The following TESC variants were observed in gnomAD, a reference collection of about 807,000 sequenced individuals.
TESC encodes the protein tescalcin.
A neutral mutation model predicts 31.0 loss-of-function variants in TESC; 19 were observed. The observed-to-expected ratio is 0.61, with a 90% CI of 0.43 to 0.90. TESC has a LOEUF of 0.90. Ranked by LOEUF, TESC falls within the 40% of genes least tolerant of loss-of-function variation. TESC has a pLI of 0.00. For synonymous variants in TESC, 109 were observed against 114.8 expected (o/e 0.95, Z 0.32); for missense variants, 248 against 303.8 (o/e 0.82, Z 1.36).
intron 1 of TESC, among the ~76,000 whole-genome samples, chr12:117,077,752 C>A (rs1955092859): frequency 6.6e-6 from 1 of 152,116 alleles, no homozygotes; most frequent in African/African-American, 2.4e-5. Flanking sequence ...ATAGATGACG[C>A]TAATATTGTA....
At chr12:117,055,831 C>A (rs1480448741) in intron 3 of TESC, among the ~76,000 whole-genome samples, 1 of 152,186 alleles carries the variant, frequency 6.6e-6, no homozygotes, top group African/African-American at 2.4e-5. Flanking sequence ...GGCTTTGAGA[C>A]CCCCAGCTAA....
At position 117,054,867 on chromosome 12, in the gene TESC, C is replaced by T. The variant is rs544172102; in HGVS notation, c.209+1939G>A. ...GCAGACATGGGGACCGTGGGGCAAA[C>T]AGGCTGGCGGGCCTCACTGTGTCTG... On this transcript the variant is annotated intron_variant, in intron 3 of 7. Coordinates refer to ENST00000335209, the MANE Select transcript of TESC (RefSeq NM_017899.4). Among the ~76,000 whole-genome samples, 5 of 152,280 alleles carry T rather than the reference C, an allele frequency of 3.3e-5. 1 individual carries two copies. In the South Asian group the frequency reaches 1.0e-3, roughly 32 times the overall value.
chr12:117,074,051 C>G (rs1459686198), intron 2 of TESC, among the ~76,000 whole-genome samples: 1 of 151,260 alleles, frequency 6.6e-6, no homozygotes, highest in Non-Finnish European at 1.5e-5. Flanking sequence ...TAGTGAGACC[C>G]CCATCTCTAC....
At chr12:117,046,919 CA>C in intron 4 of TESC, 81 bp from the exon 5 acceptor site, 1 of 1,424,064 alleles carries the variant, frequency 7.0e-7, no homozygotes, top group Non-Finnish European at 9.6e-7. Context: ...CTAAACTAAG[CA>C]AAAGACACCA....
chr12:117,075,889 A>ATATATATATATATATGTGTGTGTGTG (rs1955056143), intron 1 of TESC, among the ~76,000 whole-genome samples: 2 of 71,816 alleles, frequency 2.8e-5, no homozygotes, highest in African/African-American at 1.7e-4. Context: ...ATATATATAT[A>ATATATATATATATATGTGTGTGTGTG]TATATATATA....
In TESC at chr12:117,090,072, T is replaced by C. The variant is rs1470298635; in HGVS notation, c.58+9153A>G. Among the ~76,000 whole-genome samples, 4 of 152,004 alleles carry C rather than the reference T, an allele frequency of 2.6e-5. No individual in the cohort carries two copies. The East Asian group carries it at 7.7e-4, about 29-fold the overall frequency. On this transcript the variant is annotated intron_variant, in intron 1 of 7. Coordinates refer to ENST00000335209, the MANE Select transcript of TESC (RefSeq NM_017899.4). The stretch of plus-strand genomic sequence containing the variant: ...AAAAAAAAAAAATCCAGCAACCTTA[T>C]ATTTTACACACAGCCAAATGTTCAT...
At chr12:117,073,829 C>T (rs1479498548) in intron 2 of TESC, among the ~76,000 whole-genome samples, 1 of 152,158 alleles carries the variant, frequency 6.6e-6, no homozygotes, top group Non-Finnish European at 1.5e-5. Flanking sequence ...CTTGTAATCC[C>T]AGCCACTCAG....
At chr12:117,041,664 T>C (rs2135743565) in intron 7 of TESC, among the ~76,000 whole-genome samples, 1 of 152,346 alleles carries the variant, frequency 6.6e-6, no homozygotes, top group Non-Finnish European at 1.5e-5. Context: ...GAAGCGGCAG[T>C]GGGACCGCAG....
intron 1 of TESC, among the ~76,000 whole-genome samples, chr12:117,087,452 T>C (rs1955232575): frequency 1.3e-5 from 2 of 152,016 alleles, no homozygotes; most frequent in South Asian, 4.2e-4. Context: ...TCTCTGCGGG[T>C]TTTTTCCTAC....
chr12:117,051,716 C>A (rs1037710906), intron 3 of TESC, among the ~76,000 whole-genome samples: 3 of 152,128 alleles, frequency 2.0e-5, no homozygotes, highest in Non-Finnish European at 4.4e-5. Context: ...CTGGGGAAGG[C>A]AGGTGTGTGT....
At chr12:117,083,632 C>G (rs1377841863) in intron 1 of TESC, among the ~76,000 whole-genome samples, 1 of 152,212 alleles carries the variant, frequency 6.6e-6, no homozygotes, top group African/African-American at 2.4e-5. Context: ...TGAAAGAAGC[C>G]AGACATACAA....
intron 1 of TESC, among the ~76,000 whole-genome samples, chr12:117,084,929 C>A (rs543150201): frequency 6.6e-6 from 1 of 152,228 alleles, no homozygotes; most frequent in Non-Finnish European, 1.5e-5. Context: ...CCTCTGAGCA[C>A]CTCTGGTTTG....
At chr12:117,071,717 G>A (rs1187303785) in intron 2 of TESC, among the ~76,000 whole-genome samples, 3 of 152,180 alleles carry the variant, frequency 2.0e-5, no homozygotes, top group African/African-American at 7.2e-5. Flanking sequence ...AGGGTTTGGG[G>A]TGGCAGGGCA....
chr12:117,096,734 T>C (rs1172718520), intron 1 of TESC, among the ~76,000 whole-genome samples: 1 of 152,196 alleles, frequency 6.6e-6, no homozygotes, highest in African/African-American at 2.4e-5. Flanking sequence ...TTGCCCAAGG[T>C]ACCTGGCAAG....
chr12:117,079,827 C>A (rs1267232675), intron 1 of TESC, among the ~76,000 whole-genome samples: 1 of 152,114 alleles, frequency 6.6e-6, no homozygotes, highest in Non-Finnish European at 1.5e-5. Flanking sequence ...TTGCATAACC[C>A]TGTGATTATA....
intron 1 of TESC, among the ~76,000 whole-genome samples, chr12:117,078,164 G>A: frequency 6.6e-6 from 1 of 152,122 alleles, no homozygotes; most frequent in East Asian, 1.9e-4. Context: ...CTTGCCCTAA[G>A]TGACCATCAA....
intron 2 of TESC, among the ~76,000 whole-genome samples, chr12:117,062,523 G>A (rs960254548): frequency 1.3e-5 from 2 of 152,138 alleles, no homozygotes; most frequent in African/African-American, 4.8e-5. Context: ...CACCCGGCCT[G>A]TGCCCATTTT....
chr12:117,075,222 T>G (rs771014665), intron 2 of TESC, 49 bp downstream of exon 2: 2 of 1,575,556 alleles, frequency 1.3e-6, no homozygotes, highest in Non-Finnish European at 1.7e-6. Context: ...GACAAGAAAT[T>G]TGCAAGGGCA....
In TESC at chr12:117,049,232, C is replaced by A. The variant is rs944990557; in HGVS notation, c.210-74G>T. On this transcript the variant is annotated intron_variant, in intron 3 of 7. Transcript: ENST00000335209. ...TTGTCCTCTTGCTACCATTAGCTCCCGAGAACTCCGCTCTCAGGGTGCACA... is the reference window on the plus strand; with the variant it reads ...TTGTCCTCTTGCTACCATTAGCTCCAGAGAACTCCGCTCTCAGGGTGCACA... 1.4e-5 allele frequency: 23 copies of A among 1,593,692 alleles called. No homozygotes were observed. In the Admixed American group the frequency reaches 3.0e-4, roughly 21 times the overall value.
Sources: allele counts gnomAD v4.1 joint callset (sites outside exome capture counted in the v4.1 genomes callset), GRCh38; gene constraint gnomAD v4.1.1; transcripts MANE v1.5; gene names NCBI Gene and HGNC (gene_info 2026-07-23, HGNC 2026-07-21).